The following PLEKHG7 variants were observed in gnomAD, a reference collection of about 807,000 sequenced individuals.
PLEKHG7 encodes the protein pleckstrin homology domain-containing family G member 7.
PLEKHG7 carries 77 observed loss-of-function variants against 85.2 expected under a neutral mutation model. The observed-to-expected ratio is 0.90, with a 90% confidence interval of 0.75 to 1.09. The LOEUF (loss-of-function observed/expected upper bound fraction) is 1.09, where lower values mean the gene tolerates loss of function less well. Among genes scored for constraint, PLEKHG7 ranks in the 50% least tolerant of loss-of-function variants. The pLI is 0.00. For synonymous variants in PLEKHG7, 301 were observed against 302.4 expected, an observed-to-expected ratio of 1.00 and a Z score of 0.05; for missense variants, 777 against 804.3, an observed-to-expected ratio of 0.97 and a Z score of 0.41.
intron 1 of PLEKHG7, among the ~76,000 whole-genome samples, chr12:92,705,497 C>T (rs1240867812): frequency 2.0e-5 from 3 of 152,266 alleles, no homozygotes; most frequent in Non-Finnish European, 4.4e-5. Flanking sequence ...TTGCTGAGTT[C>T]TGCTTTAGAA....
At chr12:92,758,773 T>G (rs1872906576) in intron 13 of PLEKHG7, among the ~76,000 whole-genome samples, 1 of 152,232 alleles carries the variant, frequency 6.6e-6, no homozygotes, top group African/African-American at 2.4e-5. Flanking sequence ...GTAGTCTACA[T>G]GGCATCAAGC....
At position 92,740,954 on chromosome 12, in the gene PLEKHG7, C is replaced by G; in HGVS notation, c.1035+6C>G. 6.3e-7 allele frequency: 1 copy of G among 1,577,986 alleles called. No individual in the cohort carries two copies. Among genetic ancestry groups the G allele is most frequent in the Non-Finnish European group, 8.7e-7 (1 of 1,148,476 alleles). On this transcript the variant is annotated splice_donor_region_variant and intron_variant, in intron 8 of 16. Coordinates refer to ENST00000344636, the MANE Select transcript of PLEKHG7 (RefSeq NM_001377329.1). ...ACCTGGAGGAGTTAACTCAGGTGAG[C>G]CAAGTAGGAAGATTCATGTTTTAAC...
intron 7 of PLEKHG7, among the ~76,000 whole-genome samples, chr12:92,738,026 A>T (rs1391771845): frequency 6.6e-6 from 1 of 152,132 alleles, no homozygotes; most frequent in Admixed American, 6.6e-5. Context: ...AGTCCATTGC[A>T]TCTTTGCTCG....
intron 13 of PLEKHG7, among the ~76,000 whole-genome samples, chr12:92,760,588 C>T (rs1203727127): frequency 6.6e-6 from 1 of 152,046 alleles, no homozygotes; most frequent in African/African-American, 2.4e-5. Context: ...TTACTCTAAG[C>T]ACTTGTCACA....
chr12:92,760,841 C>T (rs1276282948), intron 13 of PLEKHG7, among the ~76,000 whole-genome samples: 1 of 152,150 alleles, frequency 6.6e-6, no homozygotes, highest in Non-Finnish European at 1.5e-5. Flanking sequence ...TTTATAGACA[C>T]TTTCTAAAAC....
rs182336029 is a variant in PLEKHG7 at position 92,746,113 on chromosome 12, G to T, written c.1251+522G>T. Reference sequence around the variant, plus strand: ...CATTAAAAGAAGAATTTTCTGCCAGGGTCCTTCAGCATTTTCTAGTAGCCA... The same window carrying T: ...CATTAAAAGAAGAATTTTCTGCCAGTGTCCTTCAGCATTTTCTAGTAGCCA... On this transcript the variant is annotated intron_variant, in intron 10 of 16. Coordinates refer to ENST00000344636, the MANE Select transcript of PLEKHG7 (RefSeq NM_001377329.1). Among the ~76,000 whole-genome samples, 7 of 152,252 alleles carry T rather than the reference G, an allele frequency of 4.6e-5. No individual in the cohort carries two copies. In the East Asian group the frequency reaches 1.4e-3, roughly 29 times the overall value.
intron 13 of PLEKHG7, 117 bp from the exon 14 acceptor site, chr12:92,761,635 A>AAAGGAAGG (rs1555196569): frequency 6.5e-5 from 19 of 293,016 alleles, no homozygotes; most frequent in African/African-American, 1.6e-4. Context: ...AGAAAGAAAG[A>AAAGGAAGG]AAGAAAGAAA....
rs370096296 is a variant in PLEKHG7 at position 92,706,617 on chromosome 12, G to A, written c.-15G>A. 5.7e-6 allele frequency: 9 copies of A among 1,586,864 alleles called. No homozygotes were observed. The African/African-American group carries it at 1.2e-4, about 22-fold the overall frequency. On this transcript the variant is annotated 5_prime_UTR_variant, in exon 2 of 17. The change abolishes the stop of an existing upstream ORF in the 5' untranslated region. Coordinates refer to ENST00000344636, the MANE Select transcript of PLEKHG7 (RefSeq NM_001377329.1). ...CTTCTGGAACCTTCTACCAACAGTA[G>A]AACCTCTTAGCTTTATGGAGAAAAC...
rs144679933 is a variant in PLEKHG7 at position 92,742,415 on chromosome 12, G to T, written c.1137+823G>T. 2.0e-5 allele frequency among the ~76,000 whole-genome samples: 3 copies of T among 152,246 alleles called. No individual in the cohort carries two copies. The East Asian group carries it at 5.8e-4, about 29-fold the overall frequency. Reference sequence around the variant, plus strand: ...TCCAACAAAGGAAACCTTGTAAGTTGGGATGCATAGTAGGGCAGTCACAGA... The same window carrying T: ...TCCAACAAAGGAAACCTTGTAAGTTTGGATGCATAGTAGGGCAGTCACAGA... On this transcript the variant is annotated intron_variant, in intron 9 of 16. Coordinates refer to ENST00000344636, the MANE Select transcript of PLEKHG7 (RefSeq NM_001377329.1).
chr12:92,765,612 A>ATCTTGT (rs1184814417), intron 15 of PLEKHG7, among the ~76,000 whole-genome samples: 1 of 150,374 alleles, frequency 6.7e-6, no homozygotes, highest in Admixed American at 6.6e-5. Context: ...CTGGGCAACA[A>ATCTTGT]GAGTGAAACT....
At chr12:92,751,234 T>C (rs1182263012) in intron 10 of PLEKHG7, among the ~76,000 whole-genome samples, 4 of 152,208 alleles carry the variant, frequency 2.6e-5, no homozygotes, top group Non-Finnish European at 5.9e-5. Flanking sequence ...TTTCAGCACG[T>C]TGCCTAATTT....
At chr12:92,747,259 G>GAA (rs36024259) in intron 10 of PLEKHG7, among the ~76,000 whole-genome samples, 9,301 of 147,736 alleles carry the variant, frequency 0.063, 338 homozygotes, top group Middle Eastern at 0.093. Flanking sequence ...ACAGGTATAT[G>GAA]AAAAAAAAAA....
intron 10 of PLEKHG7, among the ~76,000 whole-genome samples, chr12:92,753,481 C>T (rs1299075320): frequency 6.6e-6 from 1 of 152,114 alleles, no homozygotes; most frequent in Non-Finnish European, 1.5e-5. Context: ...CTTGTCTTCC[C>T]CGGTGCTGGC....
intron 3 of PLEKHG7, among the ~76,000 whole-genome samples, chr12:92,711,767 C>T (rs866433737): frequency 1.2e-4 from 18 of 152,336 alleles, no homozygotes; most frequent in Non-Finnish European, 2.2e-4. Context: ...ACCATTGGAT[C>T]TGCTGGGTCA....
intron 10 of PLEKHG7, chr12:92,749,761 A>G: frequency 6.6e-6 from 1 of 152,020 alleles, no homozygotes; most frequent in Non-Finnish European, 1.5e-5. Context: ...TTTACTGATA[A>G]TTTTTAGAAA....
At chr12:92,742,742 C>T (rs988550167) in intron 9 of PLEKHG7, among the ~76,000 whole-genome samples, 6 of 151,874 alleles carry the variant, frequency 4.0e-5, no homozygotes, top group South Asian at 4.2e-4. Flanking sequence ...TGCACCACCA[C>T]GCCGAGTTAA....
chr12:92,707,504 C>G, intron 2 of PLEKHG7, 146 bp from the exon 3 acceptor site: 1 of 1,465,252 alleles, frequency 6.8e-7, no homozygotes. Flanking sequence ...GGAGAAAGAG[C>G]CAGTTATTCA....
intron 3 of PLEKHG7, among the ~76,000 whole-genome samples, chr12:92,718,214 C>T (rs1371779598): frequency 6.6e-6 from 1 of 152,212 alleles, no homozygotes; most frequent in Non-Finnish European, 1.5e-5. Context: ...GACTACTAGG[C>T]AGTGTACTGC....
intron 1 of PLEKHG7, among the ~76,000 whole-genome samples, chr12:92,705,798 G>C (rs1056151349): frequency 6.6e-6 from 1 of 152,230 alleles, no homozygotes; most frequent in Admixed American, 6.5e-5. Context: ...CATGAATCAA[G>C]CTGTGAAATG....
Sources: gnomAD v4.1 joint callset for allele counts (sites outside exome capture counted in the v4.1 genomes callset) on GRCh38, gnomAD v4.1.1 for gene constraint, MANE v1.5 for transcripts, NCBI Gene and HGNC (gene_info 2026-07-23, HGNC 2026-07-21) for gene names.